MGAM2: variants seen among roughly 807,000 people sequenced by gnomAD.
MGAM2 encodes the protein maltase-glucoamylase 2 (putative).
A neutral mutation model predicts 96.1 loss-of-function variants in MGAM2; 98 were observed. The observed-to-expected ratio is 1.02, with a 90% CI of 0.87 to 1.21. MGAM2 has a LOEUF of 1.21. MGAM2 is among the 50% of genes most tolerant of loss of function. The probability of loss-of-function intolerance (pLI) is 0.00; values close to 1 mark genes in which losing one functional copy is unlikely to be tolerated. For synonymous variants in MGAM2, 749 were observed against 414.8 expected, an observed-to-expected ratio of 1.81 and a Z score of -9.79; for missense variants, 2,055 against 1,182.4, an observed-to-expected ratio of 1.74 and a Z score of -10.82.
rs760150475 is a variant in MGAM2, at chr7:142,220,737, A to G, written c.6226A>G (p.Asn2076Asp). The G allele has an allele frequency of 1.7e-5, 12 of 702,144 alleles. No homozygotes were observed. The highest frequency in any genetic ancestry group is 4.4e-5 in the South Asian group (3 of 67,598). The allele number at this position is 702,144 out of a possible 1,614,324, so 43.5% of individuals were successfully genotyped here. The change falls in exon 48 of 48, where the codon AAT becomes GAT. Residue 2076 changes from asparagine (N) to aspartate (D), a missense_variant. Transcript: ENST00000477922. ...PTNTADANTSNTVPNTTMPSP... is the reference protein window; with the variant it reads ...PTNTADANTSDTVPNTTMPSP... ...AAATACTGCTGATGCTAACACTAGTAATACTGTTCCTAATACCACTATGCC... is the reference window on the plus strand; with the variant it reads ...AAATACTGCTGATGCTAACACTAGTGATACTGTTCCTAATACCACTATGCC...
intron 35 of MGAM2, among the ~76,000 whole-genome samples, chr7:142,187,522 C>T (rs1419123958): frequency 6.6e-6 from 1 of 152,206 alleles, no homozygotes; most frequent in African/African-American, 2.4e-5. Context: ...GAGTTTAGCA[C>T]TCCACTTTGG....
intron 32 of MGAM2, among the ~76,000 whole-genome samples, chr7:142,179,679 C>A (rs759522884): frequency 1.3e-5 from 2 of 152,130 alleles, no homozygotes; most frequent in East Asian, 3.9e-4. Flanking sequence ...CTATGTTGAG[C>A]CAACCTTGCG....
chr7:142,133,826 C>A (rs186372051), intron 6 of MGAM2, among the ~76,000 whole-genome samples, 155 bp from the exon 7 acceptor site: 1 of 152,122 alleles, frequency 6.6e-6, no homozygotes, highest in Non-Finnish European at 1.5e-5. Flanking sequence ...ATTAAAGAAC[C>A]AGAGGTGCCC....
At position 142,158,348 on chromosome 7, in the gene MGAM2, A is replaced by C. The variant is rs1264155492; in HGVS notation, c.2163+16A>C. 5 of 702,830 alleles carry C rather than the reference A, an allele frequency of 7.1e-6. No homozygotes were observed. Among genetic ancestry groups the C allele is most frequent in the African/African-American group, 1.7e-5 (1 of 57,250 alleles). The allele number at this position is 702,830 out of a possible 1,614,324, so 43.5% of individuals were successfully genotyped here. On this transcript the variant is annotated intron_variant, in intron 19 of 47. Transcript: ENST00000477922. ...TTTATATGAAGTATGTTTATCATCT[A>C]AACAATGAAAGGGGGTATTGCACTT... is the stretch of plus-strand genomic sequence containing the variant.
At chr7:142,212,494 A>G (rs1797617717) in intron 46 of MGAM2, among the ~76,000 whole-genome samples, 1 of 152,232 alleles carries the variant, frequency 6.6e-6, no homozygotes, top group Non-Finnish European at 1.5e-5. Context: ...CTCAAAATAA[A>G]GGGATGGAGG....
intron 31 of MGAM2, among the ~76,000 whole-genome samples, chr7:142,174,899 A>G (rs1796322999): frequency 6.6e-6 from 1 of 151,858 alleles, no homozygotes; most frequent in East Asian, 1.9e-4. Context: ...AAATATTTTT[A>G]GTAGGGACGG....
At chr7:142,159,264 A>G in intron 19 of MGAM2, 23 bp from the exon 20 acceptor site, 1 of 701,410 alleles carries the variant, frequency 1.4e-6, no homozygotes, top group Non-Finnish European at 2.6e-6. Context: ...TGCTAATGCT[A>G]CTCATTATTG....
chr7:142,168,945 C>G lies in MGAM2; in HGVS notation c.3028-1130C>G, dbSNP rs113135152. 6.3e-3 allele frequency among the ~76,000 whole-genome samples: 956 copies of G among 152,248 alleles called. 10 individuals carry two copies. Among genetic ancestry groups the G allele is most frequent in the African/African-American group, 0.022 (898 of 41,538 alleles). On this transcript the variant is annotated intron_variant, in intron 26 of 47. Transcript: ENST00000477922. ...GCCATGTGTGGCTTGTGGACAGCAC[C>G]TTGGACAGCTCAGCTGTAGCCATTG...
intron 37 of MGAM2, among the ~76,000 whole-genome samples, chr7:142,190,537 G>T (rs1487525026): frequency 1.3e-5 from 2 of 151,956 alleles, no homozygotes; most frequent in African/African-American, 4.8e-5. Context: ...GCCTCCCAAA[G>T]TGCTGGGATT....
At chr7:142,207,852 A>G (rs28557359) in intron 45 of MGAM2, among the ~76,000 whole-genome samples, 1 of 152,200 alleles carries the variant, frequency 6.6e-6, no homozygotes, top group Non-Finnish European at 1.5e-5. Flanking sequence ...ATGTAGCTTG[A>G]AAAAGCAGAG....
chr7:142,154,924 A>G, intron 17 of MGAM2, 79 bp downstream of exon 17: 1 of 687,886 alleles, frequency 1.5e-6, no homozygotes, highest in Non-Finnish European at 2.7e-6. Flanking sequence ...TGAGGAAAAT[A>G]GTACTACAGG....
chr7:142,189,434 G>A lies in MGAM2; in HGVS notation c.4275G>A (p.Pro1425=), dbSNP rs558270477. 2.0e-5 allele frequency: 15 copies of A among 762,898 alleles called. No homozygotes were observed. The highest frequency in any genetic ancestry group is 5.4e-5 in the East Asian group (2 of 37,348). 47.3% of individuals were successfully genotyped at this position (762,898 alleles called of 1,614,324 possible). A position where few individuals can be genotyped will look rare whatever the true frequency, so the allele number is the denominator to read the frequency against. The part of the protein sequence containing the change: ...TLCMESQQIL[P]DSSPVEHYNV... ...GCATGGAGAGTCAGCAGATCCTGCC[G>A]GACAGCTCCCCCGTGGAGCACTACA... is the stretch of plus-strand genomic sequence containing the variant. Residue 1425 remains proline, a synonymous_variant, in exon 37 of 48, where the codon CCG becomes CCA. Coordinates refer to ENST00000477922, the MANE Select transcript of MGAM2 (RefSeq NM_001293626.2).
chr7:142,117,191 G>A (rs927810926), intron 2 of MGAM2, among the ~76,000 whole-genome samples: 1 of 152,078 alleles, frequency 6.6e-6, no homozygotes, highest in African/African-American at 2.4e-5. Context: ...GGTCTCCCAA[G>A]CCCCATTTAG....
At chr7:142,177,369 A>G (rs191213758) in intron 32 of MGAM2, among the ~76,000 whole-genome samples, 2 of 152,190 alleles carry the variant, frequency 1.3e-5, no homozygotes, top group Non-Finnish European at 2.9e-5. Flanking sequence ...ACCTCCTACC[A>G]TGTCCCTCTT....
chr7:142,155,090 G>A (rs949739332), intron 17 of MGAM2, among the ~76,000 whole-genome samples: 12 of 152,168 alleles, frequency 7.9e-5, no homozygotes, highest in Non-Finnish European at 1.8e-4. Context: ...ATTTGTTAAA[G>A]TTTCTATGGT....
chr7:142,189,473 G>T lies in MGAM2; in HGVS notation c.4314G>T (p.Leu1438=). 1 of 864,214 alleles carries T rather than the reference G, an allele frequency of 1.2e-6. No individual in the cohort carries two copies. The highest frequency in any genetic ancestry group is 1.9e-6 in the Non-Finnish European group (1 of 521,286). 53.5% of individuals were successfully genotyped at this position (864,214 alleles called of 1,614,324 possible). Residue 1438 remains leucine, a synonymous_variant, in exon 37 of 48, where the codon CTG becomes CTT. Coordinates refer to ENST00000477922, the MANE Select transcript of MGAM2 (RefSeq NM_001293626.2). The part of the protein sequence containing the change: ...SPVEHYNVHN[L]YGWSQTRPTY... ...TGGAGCACTACAACGTGCACAACCTGTACGGGTGGTCCCAGACCAGACCCA... is the reference window on the plus strand; with the variant it reads ...TGGAGCACTACAACGTGCACAACCTTTACGGGTGGTCCCAGACCAGACCCA...
chr7:142,113,612 G>A (rs191968277), intron 1 of MGAM2, among the ~76,000 whole-genome samples: 51 of 152,264 alleles, frequency 3.3e-4, no homozygotes, highest in Admixed American at 3.1e-3. Flanking sequence ...GGAACTGGGA[G>A]TGAGGTGTGG....
chr7:142,205,102 T>C (rs531184001), intron 45 of MGAM2, among the ~76,000 whole-genome samples: 6 of 152,284 alleles, frequency 3.9e-5, no homozygotes, highest in African/African-American at 1.4e-4. Flanking sequence ...TGCCCATGAT[T>C]AGACAGTCAA....
Position 142,171,368 on chromosome 7 carries a change from T to A in MGAM2, c.3279T>A (p.Thr1093=), listed in dbSNP as rs1260798111. 1 of 703,250 alleles carries A rather than the reference T, an allele frequency of 1.4e-6. No individual in the cohort carries two copies. The highest frequency in any genetic ancestry group is 2.0e-5 in the Admixed American group (1 of 49,980). 43.6% of individuals were successfully genotyped at this position (703,250 alleles called of 1,614,324 possible). A position where few individuals can be genotyped will look rare whatever the true frequency, so the allele number is the denominator to read the frequency against. The change falls in exon 28 of 48, where the codon ACT becomes ACA. Residue 1093 remains threonine, a synonymous_variant. Transcript: ENST00000477922. The stretch of plus-strand genomic sequence containing the variant: ...AGTACATCTATGGCTTTGGGGAAAC[T>A]GAGCACACGACTTTCAGAAGAAACA... ...PSQYIYGFGE[T]EHTTFRRNMN... is the part of the protein sequence containing the mutation.
Sources: gnomAD v4.1 joint callset for allele counts (sites outside exome capture counted in the v4.1 genomes callset) on GRCh38, gnomAD v4.1.1 for gene constraint, MANE v1.5 for transcripts, NCBI Gene and HGNC (gene_info 2026-07-23, HGNC 2026-07-21) for gene names.